The following KLHL32 variants were observed in gnomAD, a reference collection of about 807,000 sequenced individuals.
KLHL32 encodes the protein kelch-like protein 32.
Under a neutral mutation model 64.8 loss-of-function variants are expected in KLHL32, and 35 were observed. That is an observed-to-expected ratio of 0.54 (90% CI 0.41 to 0.72). The LOEUF is 0.72. Ranked by LOEUF, KLHL32 falls within the 30% of genes least tolerant of loss-of-function variation. The probability of loss-of-function intolerance (pLI) is 0.00; values close to 1 mark genes in which losing one functional copy is unlikely to be tolerated. For missense variants in KLHL32, 589 were observed against 768.5 expected, an observed-to-expected ratio of 0.77 and a Z score of 2.76; for synonymous variants, 259 against 281.0, an observed-to-expected ratio of 0.92 and a Z score of 0.78.
intron 3 of KLHL32, among the ~76,000 whole-genome samples, chr6:97,038,665 A>G (rs192470490): frequency 6.6e-6 from 1 of 152,188 alleles, no homozygotes; most frequent in African/African-American, 2.4e-5. Context: ...CTGAGTATAT[A>G]TTCAAAAGAA....
At chr6:97,022,692 A>T (rs1045543342) in intron 3 of KLHL32, among the ~76,000 whole-genome samples, 1 of 151,552 alleles carries the variant, frequency 6.6e-6, no homozygotes, top group Non-Finnish European at 1.5e-5. Flanking sequence ...CTGGTCTCGA[A>T]CTCCTGACCT....
chr6:97,027,023 G>A (rs553093488), intron 3 of KLHL32, among the ~76,000 whole-genome samples: 4 of 152,006 alleles, frequency 2.6e-5, no homozygotes, highest in Admixed American at 6.6e-5. Flanking sequence ...CCAGCTGGGC[G>A]TGGTGGCGTG....
intron 3 of KLHL32, among the ~76,000 whole-genome samples, chr6:97,007,375 C>T (rs1291852805): frequency 3.3e-5 from 5 of 152,076 alleles, no homozygotes; most frequent in African/African-American, 7.2e-5. Flanking sequence ...TTCATCTTTT[C>T]GCTCCTGTTT....
At chr6:97,075,192 C>G (rs988503786) in intron 5 of KLHL32, among the ~76,000 whole-genome samples, 1 of 152,140 alleles carries the variant, frequency 6.6e-6, no homozygotes, top group African/African-American at 2.4e-5. Context: ...CCTTGCAAGA[C>G]TCCAAAAATT....
chr6:97,097,952 T>G (rs1795210121), intron 6 of KLHL32, among the ~76,000 whole-genome samples: 1 of 152,178 alleles, frequency 6.6e-6, no homozygotes, highest in South Asian at 2.1e-4. Flanking sequence ...CACAACAGTT[T>G]GTAGAATTCC....
intron 5 of KLHL32, among the ~76,000 whole-genome samples, chr6:97,069,597 C>T (rs778091661): frequency 1.3e-5 from 2 of 152,028 alleles, no homozygotes; most frequent in Admixed American, 6.6e-5. Context: ...GTGGGGCTTT[C>T]GAGCAGAGGG....
intron 4 of KLHL32, among the ~76,000 whole-genome samples, chr6:97,056,989 CT>C (rs1390784690): frequency 2.6e-5 from 4 of 152,110 alleles, no homozygotes; most frequent in Non-Finnish European, 5.9e-5. Flanking sequence ...TAATAAAACT[CT>C]ATTTATACTT....
intron 1 of KLHL32, among the ~76,000 whole-genome samples, chr6:96,946,526 G>A (rs1393613115): frequency 6.6e-6 from 1 of 152,104 alleles, no homozygotes; most frequent in South Asian, 2.1e-4. Context: ...CTTAAGTCAA[G>A]AATCTGTCAC....
chr6:96,908,564 G>A, the KLHL32 span, among the ~76,000 whole-genome samples: 1 of 152,114 alleles, frequency 6.6e-6, no homozygotes, highest in East Asian at 1.9e-4. Context: ...TTATCAAAAA[G>A]CAAGACGAAA....
intron 3 of KLHL32, among the ~76,000 whole-genome samples, chr6:97,019,172 T>C (rs906762890): frequency 6.6e-6 from 1 of 152,136 alleles, no homozygotes; most frequent in Non-Finnish European, 1.5e-5. Context: ...AATATAGAAA[T>C]TACAAAATAT....
At chr6:96,917,305 C>T in the KLHL32 span, among the ~76,000 whole-genome samples, 1 of 152,184 alleles carries the variant, frequency 6.6e-6, no homozygotes, top group Admixed American at 6.5e-5. Flanking sequence ...TTCCATCCTC[C>T]CTGATCTCTC....
chr6:96,937,730 A>C (rs1278287156), intron 1 of KLHL32, among the ~76,000 whole-genome samples: 1 of 151,930 alleles, frequency 6.6e-6, no homozygotes, highest in South Asian at 2.1e-4. Flanking sequence ...TCTACCCTCC[A>C]TCCTCACAGC....
chr6:97,069,424 A>G (rs988893170), intron 5 of KLHL32, among the ~76,000 whole-genome samples: 14 of 147,728 alleles, frequency 9.5e-5, no homozygotes, highest in Admixed American at 6.1e-4. Context: ...TTTTGTACCA[A>G]TGGCAATTTC....
intron 10 of KLHL32, among the ~76,000 whole-genome samples, chr6:97,137,618 T>G (rs1452255978): frequency 1.3e-5 from 2 of 152,098 alleles, no homozygotes; most frequent in African/African-American, 4.8e-5. Flanking sequence ...CACTGCAAGC[T>G]CTGCCTCCTG....
chr6:97,096,098 T>G (rs1794949635), intron 6 of KLHL32, among the ~76,000 whole-genome samples: 1 of 152,168 alleles, frequency 6.6e-6, no homozygotes, highest in African/African-American at 2.4e-5. Flanking sequence ...TCTTTTTACC[T>G]TATTAGTTAT....
intron 1 of KLHL32, among the ~76,000 whole-genome samples, chr6:96,935,712 A>G (rs1378391430): frequency 6.6e-6 from 1 of 152,244 alleles, no homozygotes; most frequent in African/African-American, 2.4e-5. Context: ...TAATGACTGC[A>G]TAGAGAAGTC....
intron 3 of KLHL32, among the ~76,000 whole-genome samples, chr6:97,012,321 C>A (rs988802843): frequency 2.6e-5 from 4 of 152,178 alleles, no homozygotes; most frequent in African/African-American, 9.7e-5. Context: ...AAGAAAGAGT[C>A]AGCAGAGTCA....
chr6:97,051,864 A>G (rs1426165003), intron 4 of KLHL32, among the ~76,000 whole-genome samples: 2 of 152,158 alleles, frequency 1.3e-5, no homozygotes, highest in African/African-American at 4.8e-5. Context: ...AAAAAGAACA[A>G]TTGTGCTCCA....
chr6:97,124,797 C>G (rs1222298946), intron 7 of KLHL32, among the ~76,000 whole-genome samples: 2 of 152,112 alleles, frequency 1.3e-5, no homozygotes, highest in African/African-American at 4.8e-5. Context: ...TATTTTAACC[C>G]TGAAGACTTG....
Sources: allele counts gnomAD v4.1 joint callset (sites outside exome capture counted in the v4.1 genomes callset), GRCh38; gene constraint gnomAD v4.1.1; transcripts MANE v1.5; gene names NCBI Gene and HGNC (gene_info 2026-07-23, HGNC 2026-07-21).